Variants in PTGFR observed in about 807,000 individuals in gnomAD.
The protein encoded by PTGFR is prostaglandin F2-alpha receptor.
In PTGFR, 15 loss-of-function variants were observed where a neutral mutation model predicts 26.2. The observed-to-expected ratio is 0.57, with a 90% CI of 0.38 to 0.88. The LOEUF (loss-of-function observed/expected upper bound fraction) is 0.88. Among genes scored for constraint, PTGFR ranks in the 40% least tolerant of loss-of-function variants. The pLI is 0.00. For synonymous variants in PTGFR, 165 were observed against 151.1 expected (o/e 1.09, Z -0.68); for missense variants, 369 against 427.2 (o/e 0.86, Z 1.20).
At chr1:78,516,430 T>C (rs1650091835) in intron 2 of PTGFR, among the ~76,000 whole-genome samples, 1 of 152,142 alleles carries the variant, frequency 6.6e-6, no homozygotes, top group South Asian at 2.1e-4. Flanking sequence ...ATGAAGATGG[T>C]TGTGATATGT....
chr1:78,514,560 T>C (rs753047842), intron 2 of PTGFR, among the ~76,000 whole-genome samples: 7 of 152,154 alleles, frequency 4.6e-5, no homozygotes, highest in Non-Finnish European at 7.4e-5. Flanking sequence ...AGATGAGACT[T>C]TGGACTTGGG....
intron 2 of PTGFR, among the ~76,000 whole-genome samples, chr1:78,531,487 T>C (rs1396467416): frequency 6.6e-6 from 1 of 152,146 alleles, no homozygotes; most frequent in African/African-American, 2.4e-5. Context: ...TCTATCACCA[T>C]AACAATTAAA....
At chr1:78,501,560 T>G (rs559928283) in intron 2 of PTGFR, among the ~76,000 whole-genome samples, 1 of 152,308 alleles carries the variant, frequency 6.6e-6, no homozygotes, top group African/African-American at 2.4e-5. Flanking sequence ...TTCTCACTCC[T>G]CCTCAGCTAT....
At chr1:78,511,492 A>G (rs146768132) in intron 2 of PTGFR, among the ~76,000 whole-genome samples, 5 of 152,216 alleles carry the variant, frequency 3.3e-5, no homozygotes, top group African/African-American at 1.2e-4. Flanking sequence ...CAGCCTGAAC[A>G]TGGGGAGTAG....
chr1:78,534,641 A>G (rs997452240), intron 2 of PTGFR, among the ~76,000 whole-genome samples: 14 of 152,188 alleles, frequency 9.2e-5, no homozygotes, highest in Non-Finnish European at 1.8e-4. Flanking sequence ...GAGTTAACCA[A>G]CGAAAACAAT....
At chr1:78,532,644 T>A (rs564566811) in intron 2 of PTGFR, among the ~76,000 whole-genome samples, 1 of 151,362 alleles carries the variant, frequency 6.6e-6, no homozygotes, top group Non-Finnish European at 1.5e-5. Flanking sequence ...CTCTGCTCAC[T>A]GCAACCTCTG....
intron 2 of PTGFR, among the ~76,000 whole-genome samples, chr1:78,528,163 A>T (rs905419964): frequency 2.0e-5 from 3 of 151,958 alleles, no homozygotes; most frequent in Non-Finnish European, 4.4e-5. Context: ...TTTGACCCAT[A>T]GGCTGTTACC....
chr1:78,521,078 C>T (rs1423461447), intron 2 of PTGFR, among the ~76,000 whole-genome samples: 2 of 152,076 alleles, frequency 1.3e-5, no homozygotes, highest in Non-Finnish European at 2.9e-5. Context: ...CTTAATTTCC[C>T]ATCCCCCAGC....
intron 2 of PTGFR, among the ~76,000 whole-genome samples, chr1:78,512,335 G>A (rs1575396): frequency 0.096 from 14,643 of 152,212 alleles, 1,317 homozygotes; most frequent in African/African-American, 0.24. Flanking sequence ...TTAAAGAAAA[G>A]AGGTTGAATT....
Position 78,536,589 on chromosome 1 carries a change from A to G in PTGFR, c.982A>G (p.Ile328Val), listed in dbSNP as rs759195078. 1 of 1,613,212 alleles carries G rather than the reference A, an allele frequency of 6.2e-7. No homozygotes were observed. Among genetic ancestry groups the G allele is most frequent in the African/African-American group, 1.3e-5 (1 of 74,854 alleles). ...LASQCCGVHV[I>V]SLHIWELSSI... ...CAGTCAATGCTGTGGAGTGCATGTC[A>G]TCAGCTTACATATTTGGGAGCTTAG... The change falls in exon 3 of 3, where the codon ATC becomes GTC. Residue 328 changes from isoleucine to valine, a missense_variant. By Grantham distance (29) the Ile-to-Val change is conservative (BLOSUM62 3). Coordinates refer to ENST00000370757, the MANE Select transcript of PTGFR (RefSeq NM_000959.4).
intron 2 of PTGFR, among the ~76,000 whole-genome samples, chr1:78,529,620 T>C (rs1650456563): frequency 6.6e-6 from 1 of 152,158 alleles, no homozygotes; most frequent in African/African-American, 2.4e-5. Context: ...TTTTTTAATT[T>C]CCACCACTGC....
chr1:78,516,686 T>TA (rs1050982274), intron 2 of PTGFR, among the ~76,000 whole-genome samples: 1 of 152,174 alleles, frequency 6.6e-6, no homozygotes, highest in African/African-American at 2.4e-5. Context: ...ATTCAAAATT[T>TA]AAAAAATGGA....
chr1:78,528,017 A>G (rs548653484), intron 2 of PTGFR, among the ~76,000 whole-genome samples: 5 of 152,218 alleles, frequency 3.3e-5, no homozygotes, highest in Admixed American at 6.6e-5. Context: ...TATGTGGGGT[A>G]TAACCATTGC....
intron 2 of PTGFR, 132 bp from the exon 3 acceptor site, chr1:78,536,274 C>A: frequency 1.2e-6 from 1 of 836,702 alleles, no homozygotes; most frequent in Non-Finnish European, 1.8e-6. Context: ...TGATTTCTTT[C>A]TGTCAGTATT....
At position 78,540,163 on chromosome 1, in the gene PTGFR, G is replaced by T. The variant is rs1650760413; in HGVS notation, c.*3476G>T. Among the ~76,000 whole-genome samples the T allele has an allele frequency of 6.6e-6, 1 of 152,022 alleles. No individual in the cohort carries two copies. The highest frequency in any genetic ancestry group is 6.6e-5 in the Admixed American group (1 of 15,218). On this transcript the variant is annotated 3_prime_UTR_variant, in exon 3 of 3. Transcript: ENST00000370757. ...GAAAAAACAGCCACCATTATATGTG[G>T]CTGTTTCTCAAACTACAGAGCATGG...
In PTGFR at chr1:78,491,009, A is replaced by T. The variant is rs1274007274; in HGVS notation, c.-300A>T. 6.6e-6 allele frequency: 1 copy of T among 152,362 alleles called. No homozygotes were observed. Among genetic ancestry groups the T allele is most frequent in the African/African-American group, 2.4e-5 (1 of 41,484 alleles). 9.4% of individuals were successfully genotyped at this position (152,362 alleles called of 1,614,324 possible). ...CCCATCCCTCCCAGGCTGCCAGCGCAGCTAGGTGCAGAGGGATCCCAGGAG... is the reference window on the plus strand; with the variant it reads ...CCCATCCCTCCCAGGCTGCCAGCGCTGCTAGGTGCAGAGGGATCCCAGGAG... On this transcript the variant is annotated 5_prime_UTR_variant, in exon 1 of 3. Transcript: ENST00000370757.
chr1:78,508,363 G>A (rs1172988043), intron 2 of PTGFR, among the ~76,000 whole-genome samples: 1 of 152,072 alleles, frequency 6.6e-6, no homozygotes, highest in Non-Finnish European at 1.5e-5. Flanking sequence ...CTGGTATGTG[G>A]CTGGAAACTT....
intron 2 of PTGFR, among the ~76,000 whole-genome samples, chr1:78,495,279 T>A (rs1044030287): frequency 1.3e-5 from 2 of 152,210 alleles, no homozygotes; most frequent in Non-Finnish European, 2.9e-5. Context: ...ATGAATTGAA[T>A]AACAGAAACC....
intron 2 of PTGFR, chr1:78,498,048 T>C (rs889863156): frequency 2.2e-6 from 2 of 895,574 alleles, no homozygotes; most frequent in East Asian, 2.7e-5. Flanking sequence ...TAGTTAAACA[T>C]TGTTTGGTCA....
Sources: gnomAD v4.1 joint callset for allele counts (sites outside exome capture counted in the v4.1 genomes callset) on GRCh38, gnomAD v4.1.1 for gene constraint, MANE v1.5 for transcripts, NCBI Gene and HGNC (gene_info 2026-07-23, HGNC 2026-07-21) for gene names.